KRABD4: variants seen among roughly 807,000 people sequenced by gnomAD.
The protein encoded by KRABD4 is KRAB domain containing 4, also known as KRAB domain-containing protein 4.
chrX:46,473,391 TA>T, the KRABD4 span: 1 of 1,195,549 alleles, frequency 8.4e-7, no homozygotes, highest in South Asian at 1.8e-5. Context: ...TGATTAAACA[TA>T]AGAAAATTCA....
chrX:46,468,534 ACT>A, the KRABD4 span, among the ~76,000 whole-genome samples: 1 of 109,702 alleles, frequency 9.1e-6, no homozygotes, highest in African/African-American at 3.3e-5. Context: ...ACAGAGCAAG[ACT>A]CTGTCTCAAA....
At chrX:46,460,067 C>G in the KRABD4 span, among the ~76,000 whole-genome samples, 1 of 112,143 alleles carries the variant, frequency 8.9e-6, no homozygotes, top group Non-Finnish European at 1.9e-5. Context: ...ATGAACCCCT[C>G]CTGAAGATTG....
the KRABD4 span, among the ~76,000 whole-genome samples, chrX:46,469,329 C>T: frequency 7.2e-5 from 8 of 111,681 alleles, no homozygotes; most frequent in Non-Finnish European, 1.5e-4. Context: ...ATGGTATATC[C>T]GTCTATTTCA....
At chrX:46,453,477 T>C in the KRABD4 span, among the ~76,000 whole-genome samples, 43 of 112,059 alleles carry the variant, frequency 3.8e-4, no homozygotes, top group Non-Finnish European at 7.0e-4. Flanking sequence ...ACAATGTTTT[T>C]CTTTTAATGA....
chrX:46,472,852 G>A, the KRABD4 span: 2 of 1,210,134 alleles, frequency 1.7e-6, no homozygotes, highest in Non-Finnish European at 2.2e-6. Flanking sequence ...AAGGATGAAA[G>A]CGGTCAAGAA....
chrX:46,455,056 T>C, the KRABD4 span: 1 of 386,200 alleles, frequency 2.6e-6, no homozygotes, highest in Non-Finnish European at 4.5e-6. Flanking sequence ...CTCTTCAGTA[T>C]CATTTTTACT....
chrX:46,458,959 CAT>C, the KRABD4 span, among the ~76,000 whole-genome samples: 4 of 109,251 alleles, frequency 3.7e-5, no homozygotes, highest in South Asian at 3.9e-4. Context: ...AAAATTGACT[CAT>C]ATGTAAGAAT....
the KRABD4 span, among the ~76,000 whole-genome samples, chrX:46,466,267 ACTTT>A: frequency 1.8e-5 from 2 of 111,534 alleles, no homozygotes; most frequent in Non-Finnish European, 3.8e-5. Flanking sequence ...TTTCCTACTT[ACTTT>A]CAGTTTACTT....
the KRABD4 span, among the ~76,000 whole-genome samples, chrX:46,464,712 C>T: frequency 1.8e-5 from 2 of 112,375 alleles, no homozygotes; most frequent in Admixed American, 1.9e-4. Context: ...TCCAGTGATG[C>T]CTGGAATTGT....
chrX:46,456,154 G>A, the KRABD4 span: 2 of 201,565 alleles, frequency 9.9e-6, no homozygotes, highest in South Asian at 2.0e-4. Flanking sequence ...GCATCTATAG[G>A]ATAGATAGCC....
the KRABD4 span, chrX:46,473,429 T>C: frequency 6.1e-4 from 697 of 1,148,887 alleles, no homozygotes; most frequent in African/African-American, 4.1e-3. Flanking sequence ...ATAAATGCAG[T>C]GTCTGTGAGA....
At chrX:46,455,386 T>G in the KRABD4 span, 1 of 466,169 alleles carries the variant, frequency 2.1e-6, no homozygotes. Context: ...AGGGAGTGGA[T>G]CTTTGTCGGC....
At chrX:46,453,748 A>C in the KRABD4 span, among the ~76,000 whole-genome samples, 1 of 112,217 alleles carries the variant, frequency 8.9e-6, no homozygotes, top group Non-Finnish European at 1.9e-5. Flanking sequence ...AGTCATACTA[A>C]ATGTTAATGT....
chrX:46,456,288 T>G, the KRABD4 span: 1 of 107,385 alleles, frequency 9.3e-6, no homozygotes, highest in African/African-American at 3.3e-5. Context: ...TAATAATGTA[T>G]TATTAAATTA....
the KRABD4 span, among the ~76,000 whole-genome samples, chrX:46,451,598 C>T: frequency 7.2e-5 from 8 of 111,235 alleles, no homozygotes; most frequent in South Asian, 1.9e-3. Context: ...ACCTGGAAGT[C>T]GGGTTTTGAC....
chrX:46,457,044 G>T, the KRABD4 span: 16 of 333,417 alleles, frequency 4.8e-5, no homozygotes, highest in East Asian at 4.6e-4. Flanking sequence ...ATTTTGGTAG[G>T]ACTCTTGTAG....
At chrX:46,452,836 T>G in the KRABD4 span, among the ~76,000 whole-genome samples, 1 of 112,524 alleles carries the variant, frequency 8.9e-6, no homozygotes, top group Non-Finnish European at 1.9e-5. Context: ...TAATGCCTTT[T>G]CCTGTAAATG....
At chrX:46,459,048 C>T in the KRABD4 span, among the ~76,000 whole-genome samples, 2 of 112,006 alleles carry the variant, frequency 1.8e-5, no homozygotes, top group East Asian at 5.6e-4. Context: ...CATGGTGACT[C>T]ACACCTGTAA....
chrX:46,453,788 A>G, the KRABD4 span, among the ~76,000 whole-genome samples: 1 of 112,140 alleles, frequency 8.9e-6, no homozygotes, highest in Non-Finnish European at 1.9e-5. Context: ...ATATCACCTT[A>G]TGGTAGCAAA....
Sources: gnomAD v4.1 joint callset for allele counts (sites outside exome capture counted in the v4.1 genomes callset) on GRCh38, gnomAD v4.1.1 for gene constraint, MANE v1.5 for transcripts, NCBI Gene and HGNC (gene_info 2026-07-23, HGNC 2026-07-21) for gene names.